MCTP1: variants seen among roughly 807,000 people sequenced by gnomAD.
MCTP1 encodes multiple C2 and transmembrane domain containing 1.
Under a neutral mutation model 120.6 loss-of-function variants are expected in MCTP1, and 69 were observed. The observed-to-expected ratio is 0.57, with a 90% confidence interval of 0.47 to 0.70. MCTP1 has a LOEUF of 0.70. MCTP1 is among the 30% of genes least tolerant of loss of function. The pLI, the probability that MCTP1 is intolerant of heterozygous loss-of-function variation, is 0.00. For synonymous variants in MCTP1, 529 were observed against 493.1 expected, an observed-to-expected ratio of 1.07 and a Z score of -0.96; for missense variants, 1,203 against 1,248.8, an observed-to-expected ratio of 0.96 and a Z score of 0.55.
intron 1 of MCTP1, among the ~76,000 whole-genome samples, chr5:95,098,543 A>G (rs1756454552): frequency 6.6e-6 from 1 of 152,044 alleles, no homozygotes; most frequent in Non-Finnish European, 1.5e-5. Context: ...AGAATAAAAT[A>G]CCTAGGAATC....
chr5:94,900,480 T>C (rs927816649), intron 10 of MCTP1, among the ~76,000 whole-genome samples: 1 of 152,250 alleles, frequency 6.6e-6, no homozygotes, highest in Non-Finnish European at 1.5e-5. Flanking sequence ...GTGCTCATTC[T>C]ACCACTTCTA....
rs188237377 is a variant in MCTP1 at position 95,005,720 on chromosome 5, C to A, written c.838+11647G>T. Among the ~76,000 whole-genome samples the A allele has an allele frequency of 1.4e-4, 22 of 151,980 alleles. 1 individual carries two copies. The highest frequency in any genetic ancestry group is 6.5e-4 in the Admixed American group (10 of 15,268). ...CCTGAGGCCTCCTCAGAAAGAGAAC[C>A]CTGTATAGCCTGCAGAACCATGAGC... On this transcript the variant is annotated intron_variant, in intron 2 of 22. Coordinates refer to ENST00000515393, the MANE Select transcript of MCTP1 (RefSeq NM_024717.7).
At chr5:95,039,638 G>A (rs912665095) in intron 1 of MCTP1, among the ~76,000 whole-genome samples, 3 of 151,958 alleles carry the variant, frequency 2.0e-5, no homozygotes, top group East Asian at 1.9e-4. Flanking sequence ...GATAGAGAAA[G>A]GTGTCTCACA....
At chr5:94,890,831 A>G (rs1310118588) in intron 11 of MCTP1, among the ~76,000 whole-genome samples, 12 of 152,220 alleles carry the variant, frequency 7.9e-5, no homozygotes, top group Non-Finnish European at 1.5e-5. Flanking sequence ...TTGTTTATTT[A>G]CACTTCATAG....
At chr5:94,821,844 G>GA (rs1220613608) in intron 17 of MCTP1, among the ~76,000 whole-genome samples, 5 of 151,990 alleles carry the variant, frequency 3.3e-5, no homozygotes, top group Admixed American at 6.6e-5. Flanking sequence ...GCATTTGATT[G>GA]AAAAAAATCC....
intron 17 of MCTP1, among the ~76,000 whole-genome samples, chr5:94,857,170 T>C (rs1033015325): frequency 6.6e-6 from 1 of 151,686 alleles, no homozygotes; most frequent in African/African-American, 2.4e-5. Context: ...CTTACAATAG[T>C]ATAGCTTTAA....
At chr5:95,117,732 T>C (rs1227484577) in intron 1 of MCTP1, among the ~76,000 whole-genome samples, 1 of 152,214 alleles carries the variant, frequency 6.6e-6, no homozygotes. Flanking sequence ...ACTGCAGCAC[T>C]ATTCACAATA....
intron 17 of MCTP1, among the ~76,000 whole-genome samples, chr5:94,860,877 GAA>G (rs11333305): frequency 3.3e-4 from 49 of 150,416 alleles, no homozygotes; most frequent in South Asian, 1.1e-3. Context: ...CAGTGACTAT[GAA>G]AAAAAAAATA....
intron 1 of MCTP1, chr5:95,024,256 A>G (rs756569597): frequency 1.7e-5 from 4 of 237,448 alleles, no homozygotes; most frequent in Non-Finnish European, 3.5e-5. Context: ...TCTTTAATCC[A>G]TTTTGAGTTG....
intron 18 of MCTP1, among the ~76,000 whole-genome samples, chr5:94,794,943 C>T (rs1779697343): frequency 6.6e-6 from 1 of 152,182 alleles, no homozygotes; most frequent in South Asian, 2.1e-4. Flanking sequence ...GGGATATATC[C>T]CCAAGAGGAA....
intron 17 of MCTP1, among the ~76,000 whole-genome samples, chr5:94,825,770 T>TACAC (rs146690839): frequency 6.2e-4 from 93 of 151,124 alleles, no homozygotes; most frequent in Middle Eastern, 6.9e-3. Context: ...TATACATATA[T>TACAC]ACACACACAC....
Position 95,239,887 on chromosome 5 carries a change from T to C in MCTP1, c.720+43969A>G, listed in dbSNP as rs1301158024. Among the ~76,000 whole-genome samples the C allele has an allele frequency of 2.0e-5, 3 of 152,264 alleles. No homozygotes were observed. The East Asian group carries it at 5.8e-4, about 29-fold the overall frequency. On this transcript the variant is annotated intron_variant, in intron 1 of 22. Coordinates refer to ENST00000515393, the MANE Select transcript of MCTP1 (RefSeq NM_024717.7). The stretch of plus-strand genomic sequence containing the variant: ...CTTCTTCACATTTTTAATTTTTTTA[T>C]TATGTCAAATTGAAGATTTCTTACA...
chr5:95,128,578 C>A lies in MCTP1; in HGVS notation c.721-111094G>T, dbSNP rs189672731. 7.3e-3 allele frequency among the ~76,000 whole-genome samples: 1,110 copies of A among 152,152 alleles called. 6 individuals carry two copies. The highest frequency in any genetic ancestry group is 0.011 in the Non-Finnish European group (776 of 68,016). ...GAAAGAAGCCAGTCACAAAGGGCCA[C>A]GTATTGTATGATTCCATTTGTATGA... On this transcript the variant is annotated intron_variant, in intron 1 of 22. Transcript: ENST00000515393.
At chr5:94,737,162 AT>A (rs528444746) in intron 19 of MCTP1, among the ~76,000 whole-genome samples, 460 of 147,234 alleles carry the variant, frequency 3.1e-3, no homozygotes, top group African/African-American at 0.011. Context: ...TAATTTTTAA[AT>A]TTTTTTGTAG....
intron 1 of MCTP1, among the ~76,000 whole-genome samples, chr5:95,262,652 C>T (rs1477351183): frequency 1.3e-5 from 2 of 152,042 alleles, no homozygotes; most frequent in Admixed American, 1.3e-4. Flanking sequence ...TCCTTGTAAA[C>T]ATAATTGTAG....
At chr5:95,227,268 C>A (rs1182011758) in intron 1 of MCTP1, among the ~76,000 whole-genome samples, 1 of 152,106 alleles carries the variant, frequency 6.6e-6, no homozygotes, top group East Asian at 1.9e-4. Flanking sequence ...GAACAGACAT[C>A]GTGACTGTTT....
At chr5:94,995,372 C>A (rs955171162) in intron 2 of MCTP1, among the ~76,000 whole-genome samples, 2 of 152,182 alleles carry the variant, frequency 1.3e-5, no homozygotes, top group Non-Finnish European at 2.9e-5. Flanking sequence ...ATATCTACAA[C>A]TACCCCTTTT....
chr5:95,208,018 GGAGA>G (rs1160615842), intron 1 of MCTP1, among the ~76,000 whole-genome samples: 1 of 114,006 alleles, frequency 8.8e-6, no homozygotes, highest in African/African-American at 3.2e-5. Context: ...GGAGAGAGAG[GGAGA>G]GAGAGAGAAA....
chr5:95,140,693 TAAAAAAAAAAAAAAA>T (rs35248317), intron 1 of MCTP1, among the ~76,000 whole-genome samples: 12 of 27,632 alleles, frequency 4.3e-4, no homozygotes, highest in African/African-American at 7.2e-4. Context: ...CTGTCCCTAC[TAAAAAAAAAAAAAAA>T]AAAAAAAAAA....
Sources: allele counts gnomAD v4.1 joint callset (sites outside exome capture counted in the v4.1 genomes callset), GRCh38; gene constraint gnomAD v4.1.1; transcripts MANE v1.5; gene names NCBI Gene and HGNC (gene_info 2026-07-23, HGNC 2026-07-21).